Variants in FOXN3 observed in about 807,000 individuals in gnomAD.
The protein encoded by FOXN3 is forkhead box N3.
In FOXN3, 7 loss-of-function variants were observed where a neutral mutation model predicts 38.4. The observed-to-expected ratio is 0.18, with a 90% CI of 0.10 to 0.34. The LOEUF (loss-of-function observed/expected upper bound fraction) is 0.34, where lower values mean the gene tolerates loss of function less well. Among genes scored for constraint, FOXN3 ranks in the 10% least tolerant of loss-of-function variants. The pLI is 1.00. For missense variants in FOXN3, 456 were observed against 613.4 expected, an observed-to-expected ratio of 0.74 and a Z score of 2.71; for synonymous variants, 230 against 242.2, an observed-to-expected ratio of 0.95 and a Z score of 0.47.
At chr14:89,300,180 C>CTTTTT (rs35774627) in intron 3 of FOXN3, among the ~76,000 whole-genome samples, 4 of 115,788 alleles carry the variant, frequency 3.5e-5, no homozygotes, top group Non-Finnish European at 3.5e-5. Context: ...AAGAAATGTA[C>CTTTTT]TTTTTTTTTT....
chr14:89,523,564 T>C (rs763424647), intron 1 of FOXN3, among the ~76,000 whole-genome samples: 6 of 152,154 alleles, frequency 3.9e-5, no homozygotes, highest in African/African-American at 1.2e-4. Flanking sequence ...TCTTAAATAT[T>C]TGAAAACTAA....
chr14:89,282,520 T>A (rs921197809), intron 3 of FOXN3, among the ~76,000 whole-genome samples: 3 of 152,174 alleles, frequency 2.0e-5, no homozygotes, highest in African/African-American at 7.2e-5. Context: ...GCATGAAGAA[T>A]AATGTGCATT....
intron 1 of FOXN3, among the ~76,000 whole-genome samples, chr14:89,450,598 T>A (rs1467821934): frequency 2.0e-5 from 3 of 152,186 alleles, no homozygotes; most frequent in African/African-American, 7.2e-5. Context: ...TCCTTTTTTT[T>A]TTTTTTAGAC....
intron 3 of FOXN3, chr14:89,350,285 C>T (rs141983616): frequency 6.0e-4 from 94 of 157,802 alleles, no homozygotes; most frequent in South Asian, 2.0e-3. Flanking sequence ...GAGTGAGCCT[C>T]CACTGAATGT....
chr14:89,511,190 T>TTTCTTTCTTTTC (rs1234108244), intron 1 of FOXN3, among the ~76,000 whole-genome samples: 1 of 18,798 alleles, frequency 5.3e-5, no homozygotes, highest in African/African-American at 1.2e-4. Flanking sequence ...TCTTTCTTTC[T>TTTCTTTCTTTTC]TTTCTTTCTT....
intron 4 of FOXN3, among the ~76,000 whole-genome samples, chr14:89,238,174 G>A (rs1390809659): frequency 6.6e-6 from 1 of 152,152 alleles, no homozygotes; most frequent in Non-Finnish European, 1.5e-5. Context: ...GCCCAACACT[G>A]GGAATCCCCG....
At chr14:89,472,163 G>C (rs1004661894) in intron 1 of FOXN3, among the ~76,000 whole-genome samples, 2 of 151,998 alleles carry the variant, frequency 1.3e-5, no homozygotes, top group African/African-American at 4.8e-5. Flanking sequence ...GCTGAGGCAG[G>C]AGAATCGCTG....
chr14:89,277,766 C>T (rs974286419), intron 4 of FOXN3, among the ~76,000 whole-genome samples: 1 of 152,192 alleles, frequency 6.6e-6, no homozygotes, highest in Non-Finnish European at 1.5e-5. Context: ...ATTTTGATTT[C>T]AACTTTGCTT....
At chr14:89,396,704 T>C (rs915940735) in intron 2 of FOXN3, among the ~76,000 whole-genome samples, 4 of 152,084 alleles carry the variant, frequency 2.6e-5, no homozygotes, top group Non-Finnish European at 4.4e-5. Flanking sequence ...TGGTGGCAGA[T>C]GCCTGTAATC....
chr14:89,363,960 A>ATATATATATATATATAT (rs1890006835), intron 2 of FOXN3, among the ~76,000 whole-genome samples: 8 of 11,286 alleles, frequency 7.1e-4, no homozygotes, highest in African/African-American at 9.4e-4. Flanking sequence ...ATATATATAT[A>ATATATATATATATATAT]TATATATATA....
chr14:89,164,590 G>T lies in FOXN3; in HGVS notation c.852-1621C>A, dbSNP rs915676248. Among the ~76,000 whole-genome samples, 3 of 152,184 alleles carry T rather than the reference G, an allele frequency of 2.0e-5. No individual in the cohort carries two copies. The highest frequency in any genetic ancestry group is 2.9e-5 in the Non-Finnish European group (2 of 68,044). Reference sequence around the variant, plus strand: ...TGTGGTTACTGCTAGGCCCCCAGTGGCTATCGCCGTGTCAGCACGGTGGAC... The same window carrying T: ...TGTGGTTACTGCTAGGCCCCCAGTGTCTATCGCCGTGTCAGCACGGTGGAC... On this transcript the variant is annotated intron_variant, in intron 5 of 5. Coordinates refer to ENST00000557258, the MANE Select transcript of FOXN3 (RefSeq NM_005197.4). The surrounding 1 kb of genome is among the most constrained non-coding windows in gnomAD (Gnocchi z 4.3).
At chr14:89,313,811 G>A (rs556286362) in intron 3 of FOXN3, among the ~76,000 whole-genome samples, 5 of 152,290 alleles carry the variant, frequency 3.3e-5, no homozygotes, top group Non-Finnish European at 7.3e-5. Flanking sequence ...CTTGAAAGGG[G>A]CAAAAGTACT....
At chr14:89,325,247 C>A (rs942879199) in intron 3 of FOXN3, among the ~76,000 whole-genome samples, 10 of 137,764 alleles carry the variant, frequency 7.3e-5, no homozygotes, top group African/African-American at 3.3e-4. Context: ...ACCACCACCA[C>A]GACCACCACC....
At position 89,282,137 on chromosome 14, in the gene FOXN3, G is replaced by T. The variant is rs368187020; in HGVS notation, c.681-1123C>A. Among the ~76,000 whole-genome samples, 8 of 152,100 alleles carry T rather than the reference G, an allele frequency of 5.3e-5. No homozygotes were observed. In the East Asian group the frequency reaches 5.8e-4, roughly 11 times the overall value. On this transcript the variant is annotated intron_variant, in intron 3 of 5. Coordinates refer to ENST00000557258, the MANE Select transcript of FOXN3 (RefSeq NM_005197.4). Reference sequence around the variant, plus strand: ...ACCAGAGGTACAAATAGTATGGCAGGTATAGGGACACATTACATGATTGAG... The same window carrying T: ...ACCAGAGGTACAAATAGTATGGCAGTTATAGGGACACATTACATGATTGAG...
At chr14:89,437,379 C>A (rs1046114012) in intron 1 of FOXN3, among the ~76,000 whole-genome samples, 2 of 152,040 alleles carry the variant, frequency 1.3e-5, no homozygotes, top group African/African-American at 4.8e-5. Context: ...TGAACCTGGG[C>A]CCATTTCTAC....
chr14:89,169,621 C>A (rs1887336411), intron 5 of FOXN3, among the ~76,000 whole-genome samples: 1 of 151,810 alleles, frequency 6.6e-6, no homozygotes, highest in African/African-American at 2.4e-5. Flanking sequence ...GGGAGGTGGA[C>A]AGAACTGAAT....
chr14:89,578,555 T>G (rs1324457130), intron 1 of FOXN3, among the ~76,000 whole-genome samples: 1 of 152,276 alleles, frequency 6.6e-6, no homozygotes, highest in African/African-American at 2.4e-5. Context: ...GAACTCTTGT[T>G]CTCCACTTCC....
chr14:89,573,243 A>C lies in FOXN3; in HGVS notation c.-15+45785T>G, dbSNP rs1192832447. On this transcript the variant is annotated intron_variant, in intron 1 of 6. Transcript: ENST00000345097. ...GAGATATTTCACTGAAATAAGGAGA[A>C]TCTTGGGAATAGATTTCTGGCAAGC... Among the ~76,000 whole-genome samples, 6 of 152,282 alleles carry C rather than the reference A, an allele frequency of 3.9e-5. No homozygotes were observed. The East Asian group carries it at 1.2e-3, about 29-fold the overall frequency.
At position 89,360,714 on chromosome 14, in the gene FOXN3, A is replaced by ACCAC. The variant is rs1566966280; in HGVS notation, c.544-9907_544-9906insGTGG. Among the ~76,000 whole-genome samples the ACCAC allele has an allele frequency of 1.4e-4, 20 of 140,304 alleles. 1 individual carries two copies. Among genetic ancestry groups the ACCAC allele is most frequent in the Non-Finnish European group, 2.5e-4 (16 of 65,036 alleles). 92.0% of individuals were successfully genotyped at this position (140,304 alleles called of 152,430 possible). On this transcript the variant is annotated intron_variant, in intron 2 of 5. Coordinates refer to ENST00000557258, the MANE Select transcript of FOXN3 (RefSeq NM_005197.4). The stretch of plus-strand genomic sequence containing the variant: ...ATCCTCAGCTACCACCACCTCCAGC[A>ACCAC]CTACCTCCACCACCACCACCTCCAG...
Sources: gnomAD v4.1 joint callset for allele counts (sites outside exome capture counted in the v4.1 genomes callset) on GRCh38, gnomAD v4.1.1 for gene constraint, Gnocchi (gnomAD v3.1) non-coding constraint, MANE v1.5 for transcripts, NCBI Gene and HGNC (gene_info 2026-07-23, HGNC 2026-07-21) for gene names.